The following XYLT1 variants were observed in gnomAD, a reference collection of about 807,000 sequenced individuals.
XYLT1 encodes the protein xylosyltransferase 1.
Under a neutral mutation model 91.3 loss-of-function variants are expected in XYLT1, and 36 were observed. The observed-to-expected ratio is 0.39, with a 90% CI of 0.30 to 0.52. XYLT1 has a LOEUF of 0.52. XYLT1 is among the 20% of genes least tolerant of loss of function. XYLT1 has a pLI of 0.68. For missense variants in XYLT1, 1,242 were observed against 1,284.5 expected, an observed-to-expected ratio of 0.97 and a Z score of 0.51; for synonymous variants, 588 against 532.0, an observed-to-expected ratio of 1.11 and a Z score of -1.45.
chr16:17,132,731 T>C (rs758815899), intron 9 of XYLT1, among the ~76,000 whole-genome samples: 6 of 152,112 alleles, frequency 3.9e-5, no homozygotes, highest in Non-Finnish European at 8.8e-5. Context: ...GGTGAAATCC[T>C]GTCTCTACTA....
rs575036448 is a variant in XYLT1 at position 17,449,358 on chromosome 16, T to C, written c.363+21076A>G. ...GGAGAACAGCAGCCCCTGGAGAGGGTAGGAGAAGATTGGGTGTCTGCCAGG... is the reference window on the plus strand; with the variant it reads ...GGAGAACAGCAGCCCCTGGAGAGGGCAGGAGAAGATTGGGTGTCTGCCAGG... On this transcript the variant is annotated intron_variant, in intron 1 of 11. Transcript: ENST00000261381. Among the ~76,000 whole-genome samples the C allele has an allele frequency of 5.3e-5, 8 of 152,268 alleles. 1 individual carries two copies. The South Asian group carries it at 1.0e-3, about 20-fold the overall frequency.
chr16:17,119,889 T>A (rs1422557138), intron 10 of XYLT1, among the ~76,000 whole-genome samples: 2 of 152,174 alleles, frequency 1.3e-5, no homozygotes, highest in African/African-American at 4.8e-5. Context: ...CCAACACACA[T>A]AAACCAAATC....
chr16:17,393,565 A>G (rs538474150), intron 1 of XYLT1, among the ~76,000 whole-genome samples: 80 of 152,178 alleles, frequency 5.3e-4, no homozygotes, highest in African/African-American at 1.8e-3. Flanking sequence ...TCATATCTCA[A>G]TGTAGATGCT....
chr16:17,138,235 T>G, intron 8 of XYLT1, 120 bp downstream of exon 8: 1 of 1,085,732 alleles, frequency 9.2e-7, no homozygotes, highest in Non-Finnish European at 1.3e-6. Flanking sequence ...TTATTAATTA[T>G]CAACAGCCAG....
At chr16:17,435,143 C>G (rs935580506) in intron 1 of XYLT1, among the ~76,000 whole-genome samples, 1 of 152,208 alleles carries the variant, frequency 6.6e-6, no homozygotes, top group African/African-American at 2.4e-5. Flanking sequence ...CGGCGTGGCA[C>G]GCACCATATG....
chr16:17,316,441 G>A (rs951156656), intron 2 of XYLT1, among the ~76,000 whole-genome samples: 5 of 152,160 alleles, frequency 3.3e-5, no homozygotes, highest in South Asian at 2.1e-4. Flanking sequence ...CTGTCGCCCC[G>A]GCTGGAGTGC....
intron 1 of XYLT1, among the ~76,000 whole-genome samples, chr16:17,415,673 C>G (rs552495044): frequency 1.6e-4 from 25 of 151,746 alleles, no homozygotes; most frequent in African/African-American, 5.6e-4. Context: ...GCTTGGGCTA[C>G]AGAGTGAGAC....
intron 10 of XYLT1, among the ~76,000 whole-genome samples, chr16:17,121,638 G>A (rs2030059197): frequency 6.6e-6 from 1 of 152,124 alleles, no homozygotes. Flanking sequence ...TTGCTTACAT[G>A]AATAAGTTCT....
At position 17,139,753 on chromosome 16, in the gene XYLT1, G is replaced by C. The variant is rs78732003; in HGVS notation, c.1588-1222C>G. 3.9e-5 allele frequency among the ~76,000 whole-genome samples: 6 copies of C among 152,308 alleles called. No homozygotes were observed. In the East Asian group the frequency reaches 1.2e-3, roughly 29 times the overall value. ...TTCCCTGCAATATAATGGATGAGGA[G>C]GTTATCAGAATTGAGAGAAGAGGTG... On this transcript the variant is annotated intron_variant, in intron 7 of 11. Coordinates refer to ENST00000261381, the MANE Select transcript of XYLT1 (RefSeq NM_022166.4).
chr16:17,421,551 A>G (rs918077242), intron 1 of XYLT1, among the ~76,000 whole-genome samples: 1 of 152,168 alleles, frequency 6.6e-6, no homozygotes, highest in African/African-American at 2.4e-5. Flanking sequence ...CAGAAGTGAC[A>G]CTACCCTGAG....
At chr16:17,258,184 A>G (rs2033665191) in intron 3 of XYLT1, among the ~76,000 whole-genome samples, 1 of 151,900 alleles carries the variant, frequency 6.6e-6, no homozygotes, top group South Asian at 2.1e-4. Context: ...GAAGTAAAGA[A>G]TGAAGGAAGG....
chr16:17,173,237 T>C (rs1490283132), intron 5 of XYLT1, among the ~76,000 whole-genome samples: 1 of 152,146 alleles, frequency 6.6e-6, no homozygotes, highest in East Asian at 1.9e-4. Flanking sequence ...GGACGTGTAG[T>C]AGATGAAGGC....
chr16:17,447,797 C>G (rs1292272718), intron 1 of XYLT1, among the ~76,000 whole-genome samples: 1 of 152,188 alleles, frequency 6.6e-6, no homozygotes, highest in Non-Finnish European at 1.5e-5. Context: ...CCTCAATGTC[C>G]ACATTTGTAA....
intron 3 of XYLT1, among the ~76,000 whole-genome samples, chr16:17,241,763 C>G (rs965847868): frequency 1.3e-5 from 2 of 152,168 alleles, no homozygotes; most frequent in Non-Finnish European, 2.9e-5. Flanking sequence ...AGGCAGTTAA[C>G]TAGCCTATCT....
intron 1 of XYLT1, among the ~76,000 whole-genome samples, chr16:17,395,332 C>T (rs2035870627): frequency 6.6e-6 from 1 of 152,010 alleles, no homozygotes; most frequent in Non-Finnish European, 1.5e-5. Context: ...ATCATATCAA[C>T]CCCCACCCAC....
At chr16:17,371,860 G>C (rs1189722861) in intron 1 of XYLT1, among the ~76,000 whole-genome samples, 1 of 152,226 alleles carries the variant, frequency 6.6e-6, no homozygotes, top group African/African-American at 2.4e-5. Flanking sequence ...GTGTGAATAT[G>C]CATGTGTGTA....
chr16:17,269,056 A>G (rs2033849520), intron 2 of XYLT1, among the ~76,000 whole-genome samples: 1 of 152,248 alleles, frequency 6.6e-6, no homozygotes, highest in Admixed American at 6.5e-5. Flanking sequence ...CCTGCTGTCA[A>G]GAGTTAGTCC....
At chr16:17,110,450 G>T (rs1274809277) in intron 11 of XYLT1, among the ~76,000 whole-genome samples, 7 of 152,098 alleles carry the variant, frequency 4.6e-5, no homozygotes, top group Non-Finnish European at 7.4e-5. Context: ...TTTTTAAAGG[G>T]GAGTGTCCTT....
rs1966720956 is a variant in XYLT1 at position 17,102,674 on chromosome 16, CT to C, written c.*6020del. On this transcript the variant is annotated 3_prime_UTR_variant, in exon 12 of 12. Transcript: ENST00000261381. ...TGGTCAATTTCAGATAGTTCAATAT[CT>C]CTTAAAATACTCCTTTAAATAAATA... 1 of 152,388 alleles carries C rather than the reference CT, an allele frequency of 6.6e-6. No homozygotes were observed. Among genetic ancestry groups the C allele is most frequent in the East Asian group, 1.9e-4 (1 of 5,208 alleles). The allele number at this position is 152,388 out of a possible 1,614,324, so 9.4% of individuals were successfully genotyped here.
Sources: allele counts gnomAD v4.1 joint callset (sites outside exome capture counted in the v4.1 genomes callset), GRCh38; gene constraint gnomAD v4.1.1; transcripts MANE v1.5; gene names NCBI Gene and HGNC (gene_info 2026-07-23, HGNC 2026-07-21).